Variants in PHF11 observed in about 807,000 individuals in gnomAD.
The protein encoded by PHF11 is BRCA1 C-terminus-associated protein.
Under a neutral mutation model 40.5 loss-of-function variants are expected in PHF11, and 38 were observed. The observed-to-expected ratio is 0.94, with a 90% confidence interval of 0.72 to 1.23. The LOEUF (loss-of-function observed/expected upper bound fraction) is 1.23, where lower values mean the gene tolerates loss of function less well. PHF11 is among the 50% of genes most tolerant of loss of function. The pLI, the probability that PHF11 is intolerant of heterozygous loss-of-function variation, is 0.00. For synonymous variants in PHF11, 127 were observed against 138.2 expected (o/e 0.92, Z 0.57); for missense variants, 369 against 392.4 (o/e 0.94, Z 0.50).
chr13:49,516,263 T>C (rs1411544477), intron 3 of PHF11, among the ~76,000 whole-genome samples: 1 of 152,072 alleles, frequency 6.6e-6, no homozygotes, highest in Non-Finnish European at 1.5e-5. Context: ...TTGTCTCCAA[T>C]AGAATGTAAG....
intron 1 of PHF11, among the ~76,000 whole-genome samples, chr13:49,501,087 C>G (rs140089627): frequency 0.027 from 4,017 of 147,482 alleles, 68 homozygotes; most frequent in Non-Finnish European, 0.038. Flanking sequence ...GATCTCGGCT[C>G]ACCGCAACCT....
Position 49,506,668 on chromosome 13 carries a change from G to T in PHF11, c.128G>T (p.Arg43Met). Reference sequence around the variant, plus strand: ...CAGGTTGCAGAAAAGATGGAAAAAAGGACATGTGCACTCTGCCCCAAAGAT... The same window carrying T: ...CAGGTTGCAGAAAAGATGGAAAAAATGACATGTGCACTCTGCCCCAAAGAT... The part of the protein sequence containing the change: ...VFQVAEKMEK[R>M]TCALCPKDVE... Residue 43 changes from arginine (R) to methionine (M), a missense_variant, in exon 2 of 10, where the codon AGG becomes ATG. Coordinates refer to ENST00000378319, the MANE Select transcript of PHF11 (RefSeq NM_001040443.3). The T allele has an allele frequency of 6.2e-7, 1 of 1,611,956 alleles. No individual in the cohort carries two copies. The highest frequency in any genetic ancestry group is 8.5e-7 in the Non-Finnish European group (1 of 1,178,252).
chr13:49,497,344 C>A, intron 1 of PHF11: 1 of 541,384 alleles, frequency 1.8e-6, no homozygotes, highest in Non-Finnish European at 3.3e-6. Context: ...TTGTTTCCTC[C>A]ACTGTATTCA....
intron 5 of PHF11, 174 bp from the exon 6 acceptor site, chr13:49,521,866 TATA>T (rs1282941621): frequency 5.7e-5 from 23 of 405,782 alleles, no homozygotes; most frequent in South Asian, 5.2e-4. Flanking sequence ...GCATTAAACT[TATA>T]ATATCTTTTT....
In PHF11 at chr13:49,502,172, G is replaced by A. The variant is rs117402729; in HGVS notation, c.95-4463G>A. ...AAAAATTAGCTAGATGTGGTTGCAT[G>A]CACCTGTAATCCCAGCTACTTTGGA... On this transcript the variant is annotated intron_variant, in intron 1 of 9. Transcript: ENST00000378319. 6.1e-3 allele frequency among the ~76,000 whole-genome samples: 924 copies of A among 152,128 alleles called. 2 individuals carry two copies. The highest frequency in any genetic ancestry group is 0.01 in the Non-Finnish European group (713 of 67,986).
At chr13:49,522,135 G>C (rs746113156) in intron 6 of PHF11, 28 bp downstream of exon 6, 7 of 1,200,592 alleles carry the variant, frequency 5.8e-6, no homozygotes, top group Non-Finnish European at 8.6e-6. Flanking sequence ...TTATAGCTTT[G>C]CATTTCTTCA....
intron 8 of PHF11, among the ~76,000 whole-genome samples, chr13:49,525,439 A>AAG (rs1959233363): frequency 6.6e-6 from 1 of 151,694 alleles, no homozygotes; most frequent in Non-Finnish European, 1.5e-5. Context: ...GTAGAGATGG[A>AAG]GTTTCACCAT....
chr13:49,518,063 T>A lies in PHF11; in HGVS notation c.370T>A (p.Leu124Ile). ...AAGAGGAGCCACCGTGGGATGTGATTTAAAAAACTGTAACAAGAATTACCA... is the reference window on the plus strand; with the variant it reads ...AAGAGGAGCCACCGTGGGATGTGATATAAAAAACTGTAACAAGAATTACCA... ...HKRGATVGCD[L>I]KNCNKNYHFF... Residue 124 changes from leucine (L) to isoleucine (I), a missense_variant, in exon 4 of 10, where the codon TTA becomes ATA. Transcript: ENST00000378319. 2 of 1,597,080 alleles carry A rather than the reference T, an allele frequency of 1.3e-6. No homozygotes were observed. Among genetic ancestry groups the A allele is most frequent in the South Asian group, 2.2e-5 (2 of 89,998 alleles).
intron 1 of PHF11, among the ~76,000 whole-genome samples, chr13:49,500,522 T>C (rs747336480): frequency 2.0e-5 from 3 of 152,122 alleles, no homozygotes; most frequent in Non-Finnish European, 2.9e-5. Context: ...GATGCCTGTG[T>C]AAAAGTCCTC....
At chr13:49,520,204 A>G (rs994356928) in intron 4 of PHF11, among the ~76,000 whole-genome samples, 5 of 152,146 alleles carry the variant, frequency 3.3e-5, no homozygotes, top group African/African-American at 1.2e-4. Flanking sequence ...ACGTGCCACC[A>G]TGCCCAGCTA....
At chr13:49,527,353 G>A (rs1050467919) in intron 9 of PHF11, 1 of 152,218 alleles carries the variant, frequency 6.6e-6, no homozygotes, top group Non-Finnish European at 1.5e-5. Context: ...TTGCACAACA[G>A]AGTGAGTGCC....
chr13:49,509,371 C>T (rs1225774344), intron 2 of PHF11, among the ~76,000 whole-genome samples: 3 of 152,074 alleles, frequency 2.0e-5, no homozygotes, highest in Non-Finnish European at 2.9e-5. Context: ...TGCCACCACG[C>T]CCAGCTAATT....
intron 2 of PHF11, among the ~76,000 whole-genome samples, chr13:49,507,294 C>G (rs1371244572): frequency 6.6e-6 from 1 of 152,164 alleles, no homozygotes. Context: ...TAATTTCTAT[C>G]AAAGTCTACA....
At chr13:49,512,076 T>G (rs1465018626) in intron 2 of PHF11, among the ~76,000 whole-genome samples, 1 of 152,254 alleles carries the variant, frequency 6.6e-6, no homozygotes, top group Admixed American at 6.5e-5. Context: ...TCTTGTTATT[T>G]TAGGCAGTCT....
intron 1 of PHF11, among the ~76,000 whole-genome samples, chr13:49,498,027 T>G (rs1186767393): frequency 6.6e-6 from 1 of 152,226 alleles, no homozygotes; most frequent in Admixed American, 6.5e-5. Context: ...TGCTCTATTC[T>G]TTCTCTATAG....
At chr13:49,519,057 A>C (rs371115474) in intron 4 of PHF11, among the ~76,000 whole-genome samples, 3 of 151,910 alleles carry the variant, frequency 2.0e-5, no homozygotes, top group South Asian at 2.1e-4. Context: ...GGATGGTCTC[A>C]ATCTCCTGAC....
chr13:49,510,796 T>C (rs1422407734), intron 2 of PHF11, among the ~76,000 whole-genome samples: 2 of 152,230 alleles, frequency 1.3e-5, no homozygotes, highest in Non-Finnish European at 2.9e-5. Flanking sequence ...TATTCTAATA[T>C]ACTGTTGATG....
At chr13:49,521,381 T>TGTA in intron 5 of PHF11, 6 of 988,044 alleles carry the variant, frequency 6.1e-6, no homozygotes, top group Non-Finnish European at 7.2e-6. Context: ...TGGGGTATAC[T>TGTA]TTCATTCATG....
intron 8 of PHF11, chr13:49,526,122 T>C: frequency 2.5e-6 from 1 of 392,262 alleles, no homozygotes; most frequent in South Asian, 2.6e-5. Context: ...TGAGCCAAGA[T>C]CGCACCACTG....
Sources: gnomAD v4.1 joint callset for allele counts (sites outside exome capture counted in the v4.1 genomes callset) on GRCh38, gnomAD v4.1.1 for gene constraint, MANE v1.5 for transcripts, NCBI Gene and HGNC (gene_info 2026-07-23, HGNC 2026-07-21) for gene names.